PHACTR1: variants seen among roughly 807,000 people sequenced by gnomAD.
PHACTR1 encodes the protein phosphatase and actin regulator 1, also known as RPEL repeat containing 1.
In PHACTR1, 16 loss-of-function variants were observed where a neutral mutation model predicts 69.2. That is an observed-to-expected ratio of 0.23 (90% confidence interval 0.16 to 0.35). PHACTR1 has a LOEUF of 0.35. Ranked by LOEUF, PHACTR1 falls within the 10% of genes least tolerant of loss-of-function variation. The pLI is 1.00. For missense variants in PHACTR1, 510 were observed against 734.7 expected (o/e 0.69, Z 3.54); for synonymous variants, 312 against 284.5 (o/e 1.10, Z -0.97).
intron 10 of PHACTR1, among the ~76,000 whole-genome samples, chr6:13,236,186 T>C (rs1282992239): frequency 6.6e-6 from 1 of 152,116 alleles, no homozygotes; most frequent in Non-Finnish European, 1.5e-5. Context: ...TGCATCTCTA[T>C]GTAGAAGCTC....
At position 12,718,720 on chromosome 6, in the gene PHACTR1, A is replaced by G; in HGVS notation, c.-25A>G. 1 of 1,379,426 alleles carries G rather than the reference A, an allele frequency of 7.2e-7. No homozygotes were observed. The highest frequency in any genetic ancestry group is 9.9e-7 in the Non-Finnish European group (1 of 1,009,344). 85.4% of individuals were successfully genotyped at this position (1,379,426 alleles called of 1,614,324 possible). On this transcript the variant is annotated 5_prime_UTR_variant, in exon 3 of 15. Transcript: ENST00000332995. ...ATAGGTGTTCCAGTGTTTTCTCTCA[A>G]AACTCTGTGTTTGGAACATCAAGGA...
chr6:12,779,527 TTAAATAAATAAA>T (rs10691503), intron 4 of PHACTR1, among the ~76,000 whole-genome samples: 1 of 151,136 alleles, frequency 6.6e-6, no homozygotes, highest in Admixed American at 6.6e-5. Context: ...TGACCGCTTC[TTAAATAAATAAA>T]TAAATAAATA....
chr6:13,180,717 G>C (rs1452988779), intron 6 of PHACTR1, among the ~76,000 whole-genome samples: 1 of 152,058 alleles, frequency 6.6e-6, no homozygotes. Context: ...CCACCAACTG[G>C]GAAATTGAAA....
rs369357034 is a variant in PHACTR1 at position 13,075,368 on chromosome 6, C to T, written c.415+21839C>T. Among the ~76,000 whole-genome samples the T allele has an allele frequency of 3.3e-5, 5 of 152,254 alleles. No individual in the cohort carries two copies. The East Asian group carries it at 9.7e-4, about 29-fold the overall frequency. On this transcript the variant is annotated intron_variant, in intron 5 of 14. Coordinates refer to ENST00000332995, the MANE Select transcript of PHACTR1 (RefSeq NM_030948.6). ...ACTCTAGTAGCCTGGCACCCCAGCCCACTATAGCTTCCCTCAATGATTTTG... is the reference window on the plus strand; with the variant it reads ...ACTCTAGTAGCCTGGCACCCCAGCCTACTATAGCTTCCCTCAATGATTTTG...
intron 10 of PHACTR1, among the ~76,000 whole-genome samples, chr6:13,243,937 T>C (rs1213071856): frequency 6.6e-6 from 1 of 152,232 alleles, no homozygotes; most frequent in Non-Finnish European, 1.5e-5. Flanking sequence ...TCTCATTCTT[T>C]TTTATGGCTG....
At chr6:12,987,559 C>G (rs930768715) in intron 4 of PHACTR1, among the ~76,000 whole-genome samples, 1 of 152,044 alleles carries the variant, frequency 6.6e-6, no homozygotes, top group Non-Finnish European at 1.5e-5. Context: ...GCTTCTAGTT[C>G]CAAAAGGATG....
chr6:13,097,589 G>A (rs567284714), intron 5 of PHACTR1, among the ~76,000 whole-genome samples: 12 of 152,232 alleles, frequency 7.9e-5, no homozygotes, highest in African/African-American at 2.9e-4. Context: ...TGCCCCTCTT[G>A]CCCTGGCTAA....
chr6:13,157,405 A>G (rs1417068503), intron 5 of PHACTR1, among the ~76,000 whole-genome samples: 1 of 152,262 alleles, frequency 6.6e-6, no homozygotes. Context: ...TGAATGTCAC[A>G]TGAGTCTGTA....
chr6:13,257,591 T>G (rs986984243), intron 10 of PHACTR1, among the ~76,000 whole-genome samples: 2 of 152,250 alleles, frequency 1.3e-5, no homozygotes, highest in Non-Finnish European at 2.9e-5. Context: ...CTCTGGGATC[T>G]TCTTACTTCC....
intron 4 of PHACTR1, among the ~76,000 whole-genome samples, chr6:13,008,994 G>T (rs1374492978): frequency 1.3e-5 from 2 of 152,122 alleles, no homozygotes; most frequent in African/African-American, 4.8e-5. Flanking sequence ...AGAGGCTCTT[G>T]GGGAGAGTCT....
intron 7 of PHACTR1, among the ~76,000 whole-genome samples, chr6:13,188,941 T>C (rs1222249587): frequency 6.6e-6 from 1 of 152,240 alleles, no homozygotes. Context: ...CTTGGAGTGA[T>C]GGGTGACCCC....
At chr6:12,808,150 T>A (rs548452906) in intron 4 of PHACTR1, among the ~76,000 whole-genome samples, 28 of 152,340 alleles carry the variant, frequency 1.8e-4, no homozygotes, top group African/African-American at 6.7e-4. Flanking sequence ...TAATATGACA[T>A]TAATATGATT....
At chr6:13,071,162 C>T (rs1179760375) in intron 5 of PHACTR1, among the ~76,000 whole-genome samples, 1 of 152,102 alleles carries the variant, frequency 6.6e-6, no homozygotes, top group East Asian at 1.9e-4. Flanking sequence ...TGCAGTGGCT[C>T]GTGCCTGTAA....
chr6:13,113,349 A>ATTTTCTT (rs1185252270), intron 5 of PHACTR1, among the ~76,000 whole-genome samples: 1 of 152,216 alleles, frequency 6.6e-6, no homozygotes, highest in Non-Finnish European at 1.5e-5. Flanking sequence ...GGGAGAATAC[A>ATTTTCTT]TCAAAGATTT....
intron 5 of PHACTR1, among the ~76,000 whole-genome samples, chr6:13,114,913 G>A (rs1583421795): frequency 6.6e-6 from 1 of 152,108 alleles, no homozygotes; most frequent in Non-Finnish European, 1.5e-5. Flanking sequence ...CCCAGACTTG[G>A]TGCTAAGTAA....
intron 4 of PHACTR1, among the ~76,000 whole-genome samples, chr6:12,945,223 A>G (rs558665985): frequency 6.6e-6 from 1 of 152,088 alleles, no homozygotes; most frequent in East Asian, 1.9e-4. Flanking sequence ...ATATAAAACC[A>G]CTTCCTCCAG....
intron 4 of PHACTR1, among the ~76,000 whole-genome samples, chr6:12,803,082 G>A (rs12215445): frequency 0.12 from 17,859 of 152,190 alleles, 1,492 homozygotes; most frequent in East Asian, 0.35. Context: ...TTCAAAGCTT[G>A]TGTGTTAAAC....
intron 8 of PHACTR1, 107 bp from the exon 9 acceptor site, chr6:13,227,709 C>A: frequency 1.4e-6 from 2 of 1,401,016 alleles, no homozygotes; most frequent in Non-Finnish European, 2.0e-6. Context: ...GCCCAGTAGA[C>A]CCTTTGTCTC....
At chr6:12,942,798 A>T (rs1476463033) in intron 4 of PHACTR1, among the ~76,000 whole-genome samples, 2 of 152,224 alleles carry the variant, frequency 1.3e-5, no homozygotes, top group Non-Finnish European at 2.9e-5. Flanking sequence ...GGAGAAATGA[A>T]TCATACAAGT....
Sources: gnomAD v4.1 joint callset for allele counts (sites outside exome capture counted in the v4.1 genomes callset) on GRCh38, gnomAD v4.1.1 for gene constraint, MANE v1.5 for transcripts, NCBI Gene and HGNC (gene_info 2026-07-23, HGNC 2026-07-21) for gene names.